Variants in GRK4 observed in about 807,000 individuals in gnomAD.
The protein encoded by GRK4 is G protein-coupled receptor kinase 2-like.
Under a neutral mutation model 77.9 loss-of-function variants are expected in GRK4, and 73 were observed. The ratio of observed to expected loss-of-function variants is 0.94; its 90% confidence interval spans 0.78 to 1.14. The LOEUF (loss-of-function observed/expected upper bound fraction) is 1.14, where lower values mean the gene tolerates loss of function less well. Among genes scored for constraint, GRK4 ranks in the 50% most tolerant of loss-of-function variants. The probability of loss-of-function intolerance (pLI) is 0.00; values close to 1 mark genes in which losing one functional copy is unlikely to be tolerated. For missense variants in GRK4, 729 were observed against 700.2 expected (o/e 1.04, Z -0.46); for synonymous variants, 257 against 254.4 (o/e 1.01, Z -0.10).
intron 8 of GRK4, among the ~76,000 whole-genome samples, chr4:3,018,643 C>T (rs1314928300): frequency 6.6e-6 from 1 of 152,126 alleles, no homozygotes; most frequent in Non-Finnish European, 1.5e-5. Flanking sequence ...TTTGGGAGGC[C>T]GAGGCAGGTG....
chr4:3,016,342 C>T (rs1734484020), intron 8 of GRK4, among the ~76,000 whole-genome samples: 1 of 151,488 alleles, frequency 6.6e-6, no homozygotes, highest in Non-Finnish European at 1.5e-5. Flanking sequence ...CATGGTGAAA[C>T]CCTGTCTCTA....
chr4:2,963,722 CG>C lies in GRK4; in HGVS notation c.-344del. On this transcript the variant is annotated 5_prime_UTR_variant, in exon 1 of 16. Transcript: ENST00000398052. ...GCCACGGCATTGACTCGGGGCTGCC[CG>C]GGGGCAGGGCACTGAGGAGGGAGTT... 2.4e-6 allele frequency: 1 copy of C among 408,706 alleles called. No homozygotes were observed. Among genetic ancestry groups the C allele is most frequent in the Non-Finnish European group, 4.4e-6 (1 of 229,640 alleles). The allele number at this position is 408,706 out of a possible 1,614,324, so 25.3% of individuals were successfully genotyped here. A position where few individuals can be genotyped will look rare whatever the true frequency, so the allele number is the denominator to read the frequency against.
At chr4:2,981,962 C>T (rs908204385) in intron 1 of GRK4, among the ~76,000 whole-genome samples, 1 of 152,280 alleles carries the variant, frequency 6.6e-6, no homozygotes, top group Non-Finnish European at 1.5e-5. Context: ...AGCACCGCCC[C>T]TATCGTGCAC....
intron 8 of GRK4, 92 bp downstream of exon 8, chr4:3,013,920 C>A: frequency 7.5e-7 from 1 of 1,334,884 alleles, no homozygotes; most frequent in Non-Finnish European, 1.0e-6. Flanking sequence ...TCACTGAAGC[C>A]GTGGAAGTCA....
chr4:2,988,099 A>AAAAAAAAAAAAAAAAAAAAAAAG (rs1724965657), intron 2 of GRK4, among the ~76,000 whole-genome samples: 1 of 148,538 alleles, frequency 6.7e-6, no homozygotes, highest in African/African-American at 2.5e-5. Context: ...AAAAAAAAAA[A>AAAAAAAAAAAAAAAAAAAAAAAG]GAAGTAGAAT....
At chr4:3,002,998 C>G (rs1011359550) in intron 4 of GRK4, among the ~76,000 whole-genome samples, 11 of 152,168 alleles carry the variant, frequency 7.2e-5, no homozygotes, top group Non-Finnish European at 1.5e-4. Flanking sequence ...TAAATATATT[C>G]ACCCTGTTCT....
Position 3,029,352 on chromosome 4 carries a change from T to A in GRK4, c.1212T>A (p.Asn404Lys). 6.2e-7 allele frequency: 1 copy of A among 1,614,170 alleles called. No individual in the cohort carries two copies. The highest frequency in any genetic ancestry group is 2.2e-5 in the East Asian group (1 of 44,890). The change falls in exon 12 of 16, where the codon AAT (asparagine) becomes AAA (lysine). Residue 404 changes from asparagine (N) to lysine (K), a missense_variant. By Grantham distance (94) the Asn-to-Lys change is moderately conservative. Transcript: ENST00000398052. ...AGGAGGTCGATCAAAGAATCAAGAA[T>A]GATACCGAGGAGTATTCTGAGAAGT... is the stretch of plus-strand genomic sequence containing the variant. ...KWEEVDQRIK[N>K]DTEEYSEKFS...
intron 3 of GRK4, among the ~76,000 whole-genome samples, chr4:2,991,759 G>A (rs1389726113): frequency 2.0e-5 from 3 of 152,120 alleles, no homozygotes; most frequent in African/African-American, 7.2e-5. Context: ...TGATCTGCCT[G>A]CCTCGGCCTC....
intron 12 of GRK4, among the ~76,000 whole-genome samples, chr4:3,029,868 G>A (rs533790917): frequency 6.6e-6 from 1 of 152,352 alleles, no homozygotes; most frequent in South Asian, 2.1e-4. Context: ...GAGCCAGTGA[G>A]AAAAGTTTCC....
chr4:2,981,520 G>A (rs1378515930), intron 1 of GRK4, among the ~76,000 whole-genome samples: 1 of 152,192 alleles, frequency 6.6e-6, no homozygotes. Context: ...AGGTTGTCCT[G>A]ATGAGTATAC....
intron 12 of GRK4, 125 bp from the exon 13 acceptor site, chr4:3,035,261 A>G (rs974900316): frequency 2.0e-6 from 2 of 997,832 alleles, no homozygotes; most frequent in Admixed American, 1.9e-5. Context: ...AGAAAAAAAA[A>G]GAAATGATTT....
intron 9 of GRK4, among the ~76,000 whole-genome samples, chr4:3,021,802 G>A (rs73792122): frequency 6.6e-6 from 1 of 152,158 alleles, no homozygotes; most frequent in Non-Finnish European, 1.5e-5. Context: ...CTCAAGATGA[G>A]CTGGATTTTC....
chr4:2,965,412 T>C, intron 1 of GRK4: 1 of 703,056 alleles, frequency 1.4e-6, no homozygotes. Flanking sequence ...CCACGGTAGT[T>C]CTTCACACCC....
chr4:2,981,595 C>A lies in GRK4; in HGVS notation c.53-2918C>A, dbSNP rs1385929408. ...CTCTGCAGGCAGGTTGTCCTGTTTT[C>A]TGCCCAAGTCTGGCTGAGTCTGGGG... On this transcript the variant is annotated intron_variant, in intron 1 of 15. Transcript: ENST00000398052. Among the ~76,000 whole-genome samples the A allele has an allele frequency of 3.9e-5, 6 of 152,344 alleles. No homozygotes were observed. In the East Asian group the frequency reaches 1.2e-3, roughly 29 times the overall value.
intron 10 of GRK4, among the ~76,000 whole-genome samples, chr4:3,025,967 C>T (rs143136927): frequency 5.3e-5 from 8 of 152,362 alleles, no homozygotes; most frequent in African/African-American, 1.4e-4. Context: ...CTGCAACACT[C>T]ATGGACGGCT....
chr4:3,037,464 T>C lies in GRK4; in HGVS notation c.1498T>C (p.Tyr500His), dbSNP rs1741068162. Residue 500 changes from tyrosine (Y) to histidine (H), a missense_variant, in exon 14 of 16, where the codon TAT becomes CAT. By Grantham distance (83) the Tyr-to-His change is moderately conservative (BLOSUM62 2). Coordinates refer to ENST00000398052, the MANE Select transcript of GRK4 (RefSeq NM_182982.3). ...IYLDTADEDF[Y>H]ARFATGCVSI... ...CCTGGACACCGCAGATGAAGACTTC[T>C]ATGCTCGGTTTGCTACCGGGTGTGT... The C allele has an allele frequency of 1.9e-6, 3 of 1,611,326 alleles. No individual in the cohort carries two copies. Among genetic ancestry groups the C allele is most frequent in the Non-Finnish European group, 1.7e-6 (2 of 1,177,640 alleles).
chr4:3,034,434 T>A (rs1303398892), intron 12 of GRK4, among the ~76,000 whole-genome samples: 1 of 152,232 alleles, frequency 6.6e-6, no homozygotes, highest in Non-Finnish European at 1.5e-5. Context: ...GTGGTGTCGA[T>A]AAAGCCTTGT....
intron 1 of GRK4, among the ~76,000 whole-genome samples, chr4:2,975,406 C>T (rs1720819547): frequency 6.6e-6 from 1 of 152,184 alleles, no homozygotes; most frequent in Non-Finnish European, 1.5e-5. Context: ...CTTCCCTCCT[C>T]ATACCTAATA....
intron 2 of GRK4, among the ~76,000 whole-genome samples, chr4:2,988,350 A>T (rs1434418064): frequency 6.6e-6 from 1 of 152,120 alleles, no homozygotes. Context: ...CTTATGGGTC[A>T]TTTGTAAACT....
Sources: gnomAD v4.1 joint callset for allele counts (sites outside exome capture counted in the v4.1 genomes callset) on GRCh38, gnomAD v4.1.1 for gene constraint, MANE v1.5 for transcripts, NCBI Gene and HGNC (gene_info 2026-07-23, HGNC 2026-07-21) for gene names.